WWOX: variants seen among roughly 807,000 people sequenced by gnomAD.
WWOX encodes WW domain containing oxidoreductase.
A neutral mutation model predicts 46.2 loss-of-function variants in WWOX; 69 were observed. The observed-to-expected ratio is 1.49, with a 90% CI of 1.23 to 1.82. The LOEUF (loss-of-function observed/expected upper bound fraction) is 1.82, where lower values mean the gene tolerates loss of function less well. Ranked by LOEUF, WWOX falls within the 40% of genes most tolerant of loss-of-function variation. WWOX has a pLI of 0.00. For missense variants in WWOX, 919 were observed against 542.6 expected (o/e 1.69, Z -6.89); for synonymous variants, 359 against 202.6 (o/e 1.77, Z -6.56).
intron 6 of WWOX, among the ~76,000 whole-genome samples, chr16:78,406,329 TATATATATATATATATATATA>T (rs1327144562): frequency 1.6e-4 from 14 of 90,210 alleles, no homozygotes; most frequent in African/African-American, 1.5e-3. Context: ...TATATATATA[TATATATATATATATATATATA>T]TATATTTTAT....
intron 4 of WWOX, among the ~76,000 whole-genome samples, chr16:78,161,403 C>A (rs959894299): frequency 6.7e-6 from 1 of 150,252 alleles, no homozygotes; most frequent in Non-Finnish European, 1.5e-5. Flanking sequence ...TTTTCTTTTC[C>A]TTTTTCCTTT....
chr16:78,653,955 A>T (rs985973768), intron 8 of WWOX, among the ~76,000 whole-genome samples: 1 of 152,218 alleles, frequency 6.6e-6, no homozygotes, highest in Non-Finnish European at 1.5e-5. Context: ...CACTGCAGAT[A>T]TTCTTACAAA....
chr16:78,511,916 C>G (rs914993994), intron 8 of WWOX, among the ~76,000 whole-genome samples: 1 of 152,160 alleles, frequency 6.6e-6, no homozygotes, highest in Non-Finnish European at 1.5e-5. Context: ...GCTAAAATAC[C>G]CAGCTACTTC....
intron 8 of WWOX, chr16:78,872,618 C>A (rs560010642): frequency 6.6e-6 from 1 of 152,248 alleles, no homozygotes; most frequent in South Asian, 2.1e-4. Context: ...AGTAAATGCT[C>A]ACTGTCTTTC....
chr16:79,139,260 G>T (rs1306240976), intron 8 of WWOX, among the ~76,000 whole-genome samples: 2 of 152,220 alleles, frequency 1.3e-5, no homozygotes, highest in Admixed American at 6.5e-5. Context: ...TTTTCTTTGT[G>T]CTGCTGCTGA....
At chr16:78,934,750 T>C (rs2045700479) in intron 8 of WWOX, among the ~76,000 whole-genome samples, 1 of 152,050 alleles carries the variant, frequency 6.6e-6, no homozygotes, top group African/African-American at 2.4e-5. Flanking sequence ...AATGACATGA[T>C]AAAAAATGTG....
chr16:78,459,377 A>G (rs2083899323), intron 8 of WWOX, among the ~76,000 whole-genome samples: 1 of 152,190 alleles, frequency 6.6e-6, no homozygotes, highest in Non-Finnish European at 1.5e-5. Context: ...GTAACTGGAT[A>G]TTTCCGAGTG....
At chr16:79,063,210 T>C (rs1323005251) in intron 8 of WWOX, among the ~76,000 whole-genome samples, 2 of 152,180 alleles carry the variant, frequency 1.3e-5, no homozygotes, top group Admixed American at 6.5e-5. Context: ...GTATGTGAAA[T>C]AGACCTCGAG....
At chr16:78,429,586 C>G (rs1292704506) in intron 7 of WWOX, among the ~76,000 whole-genome samples, 2 of 152,098 alleles carry the variant, frequency 1.3e-5, no homozygotes, top group African/African-American at 4.8e-5. Flanking sequence ...CCATACCTTT[C>G]AGATACTCTC....
intron 8 of WWOX, among the ~76,000 whole-genome samples, chr16:79,036,723 C>T (rs1206551345): frequency 6.6e-6 from 1 of 152,200 alleles, no homozygotes; most frequent in Non-Finnish European, 1.5e-5. Flanking sequence ...TTAGTGATGT[C>T]TGCAGTGAGC....
At chr16:78,111,434 C>T (rs2032483145) in intron 3 of WWOX, among the ~76,000 whole-genome samples, 1 of 152,164 alleles carries the variant, frequency 6.6e-6, no homozygotes, top group African/African-American at 2.4e-5. Flanking sequence ...GCTAAAGGGA[C>T]ATTGTGAGAA....
chr16:78,197,242 T>C (rs1165784736), intron 5 of WWOX, among the ~76,000 whole-genome samples: 1 of 152,174 alleles, frequency 6.6e-6, no homozygotes, highest in East Asian at 1.9e-4. Flanking sequence ...GGCACCCAGA[T>C]TGAGGGCCAT....
chr16:78,596,351 C>G (rs575071251), intron 8 of WWOX, among the ~76,000 whole-genome samples: 35 of 151,992 alleles, frequency 2.3e-4, no homozygotes, highest in Non-Finnish European at 3.8e-4. Flanking sequence ...AGGTCTTGGC[C>G]CTTCAAGAGC....
chr16:78,995,261 A>G (rs2046967073), intron 8 of WWOX, among the ~76,000 whole-genome samples: 1 of 152,114 alleles, frequency 6.6e-6, no homozygotes. Context: ...AGCTTTTAGC[A>G]GGAAAGGTGA....
At chr16:78,183,078 T>C (rs556632474) in intron 5 of WWOX, among the ~76,000 whole-genome samples, 24 of 152,314 alleles carry the variant, frequency 1.6e-4, no homozygotes, top group Admixed American at 8.5e-4. Context: ...ATTGTTTGCC[T>C]GTAGGTCTCC....
At chr16:78,522,370 C>G (rs913265675) in intron 8 of WWOX, among the ~76,000 whole-genome samples, 1 of 152,138 alleles carries the variant, frequency 6.6e-6, no homozygotes, top group Non-Finnish European at 1.5e-5. Flanking sequence ...GTTTCTGAGG[C>G]CAAGCCTTTT....
chr16:78,623,451 G>T (rs540838534), intron 8 of WWOX, among the ~76,000 whole-genome samples: 7 of 152,062 alleles, frequency 4.6e-5, no homozygotes, highest in Non-Finnish European at 8.8e-5. Flanking sequence ...AGACCAAGGC[G>T]GGCAGATCAC....
chr16:78,524,534 C>T (rs1273816547), intron 8 of WWOX, among the ~76,000 whole-genome samples: 2 of 151,650 alleles, frequency 1.3e-5, no homozygotes, highest in African/African-American at 4.8e-5. Flanking sequence ...GATTCTTCTA[C>T]CTCAGCCTCC....
At chr16:78,637,071 A>T (rs1375739240) in intron 8 of WWOX, among the ~76,000 whole-genome samples, 1 of 152,236 alleles carries the variant, frequency 6.6e-6, no homozygotes, top group Non-Finnish European at 1.5e-5. Flanking sequence ...AATGTGGACT[A>T]ATGAAAAATA....
Sources: gnomAD v4.1 joint callset for allele counts (sites outside exome capture counted in the v4.1 genomes callset) on GRCh38, gnomAD v4.1.1 for gene constraint, MANE v1.5 for transcripts, NCBI Gene and HGNC (gene_info 2026-07-23, HGNC 2026-07-21) for gene names.